BABAM2: variants seen among roughly 807,000 people sequenced by gnomAD.
The protein encoded by BABAM2 is BRISC and BRCA1 A complex member 2.
Under a neutral mutation model 54.7 loss-of-function variants are expected in BABAM2, and 31 were observed. That is an observed-to-expected ratio of 0.57 (90% confidence interval 0.43 to 0.77). The LOEUF (loss-of-function observed/expected upper bound fraction) is 0.77, where lower values mean the gene tolerates loss of function less well. Among genes scored for constraint, BABAM2 ranks in the 30% least tolerant of loss-of-function variants. The probability of loss-of-function intolerance (pLI) is 0.00; values close to 1 mark genes in which losing one functional copy is unlikely to be tolerated. For synonymous variants in BABAM2, 167 were observed against 162.9 expected (o/e 1.03, Z -0.19); for missense variants, 364 against 455.8 (o/e 0.80, Z 1.83).
intron 4 of BABAM2, among the ~76,000 whole-genome samples, chr2:28,008,652 A>G (rs1174210960): frequency 6.6e-6 from 1 of 152,190 alleles, no homozygotes; most frequent in Non-Finnish European, 1.5e-5. Context: ...TTTAAAAATT[A>G]AACACAAATA....
chr2:28,197,982 C>T (rs778670208), intron 7 of BABAM2, among the ~76,000 whole-genome samples: 9 of 152,076 alleles, frequency 5.9e-5, no homozygotes, highest in South Asian at 4.1e-4. Context: ...TTGTCCAAGG[C>T]GGGAACCCCG....
At chr2:28,001,526 TG>T (rs894159451) in intron 4 of BABAM2, among the ~76,000 whole-genome samples, 2 of 152,176 alleles carry the variant, frequency 1.3e-5, no homozygotes, top group African/African-American at 4.8e-5. Flanking sequence ...GATGGAACTG[TG>T]ATACAAGGTA....
chr2:28,335,110 T>C (rs1406164825), intron 11 of BABAM2, among the ~76,000 whole-genome samples: 2 of 151,058 alleles, frequency 1.3e-5, no homozygotes, highest in African/African-American at 4.9e-5. Context: ...AGTACCTAAA[T>C]ATTGTACCTG....
chr2:28,243,722 AAATT>A (rs1434122600), intron 9 of BABAM2, among the ~76,000 whole-genome samples: 1 of 152,142 alleles, frequency 6.6e-6, no homozygotes, highest in African/African-American at 2.4e-5. Flanking sequence ...AAAAATAAAT[AAATT>A]CATAGAAATA....
chr2:27,925,273 C>T (rs1012616137), intron 2 of BABAM2, among the ~76,000 whole-genome samples: 1 of 152,126 alleles, frequency 6.6e-6, no homozygotes, highest in African/African-American at 2.4e-5. Flanking sequence ...ATTAGCCTGA[C>T]TGTTTCCATA....
intron 11 of BABAM2, among the ~76,000 whole-genome samples, chr2:28,300,121 T>C (rs1687992349): frequency 6.6e-6 from 1 of 151,902 alleles, no homozygotes; most frequent in Non-Finnish European, 1.5e-5. Context: ...GTATTTTGAG[T>C]AGAGATGGGG....
upstream of BABAM2, chr2:27,890,589 T>A: frequency 2.0e-6 from 1 of 488,658 alleles, no homozygotes; most frequent in South Asian, 2.7e-5. The surrounding 1 kb of genome is among the most constrained non-coding windows in gnomAD (Gnocchi z 4.8). Flanking sequence ...GCGCTCCTCG[T>A]CACTCACGGG....
chr2:27,967,586 G>T (rs992322386), intron 3 of BABAM2, among the ~76,000 whole-genome samples: 1 of 152,228 alleles, frequency 6.6e-6, no homozygotes, highest in African/African-American at 2.4e-5. Flanking sequence ...AAATGTGGAA[G>T]TGACTTTGGA....
intron 11 of BABAM2, chr2:28,310,178 A>G: frequency 6.2e-7 from 1 of 1,605,858 alleles, no homozygotes; most frequent in Non-Finnish European, 8.5e-7. Flanking sequence ...GTTATTTATT[A>G]GAACCTGACA....
chr2:28,313,027 G>A (rs1293449192), intron 11 of BABAM2, among the ~76,000 whole-genome samples: 3 of 152,132 alleles, frequency 2.0e-5, no homozygotes, highest in African/African-American at 7.2e-5. Flanking sequence ...GCTCACAGGA[G>A]CAGCACAGAA....
intron 7 of BABAM2, among the ~76,000 whole-genome samples, chr2:28,202,614 A>C (rs6720083): frequency 0.4 from 60,685 of 152,012 alleles, 13,962 homozygotes; most frequent in East Asian, 0.99. Context: ...TGCGATGGGA[A>C]CATTTTAGTT....
intron 2 of BABAM2, among the ~76,000 whole-genome samples, chr2:27,900,411 T>C (rs2148275142): frequency 6.6e-6 from 1 of 152,194 alleles, no homozygotes; most frequent in African/African-American, 2.4e-5. Context: ...ATTTCTCTTA[T>C]GTTATCTAGA....
chr2:27,993,186 T>G (rs926959127), intron 4 of BABAM2, among the ~76,000 whole-genome samples: 3 of 152,182 alleles, frequency 2.0e-5, no homozygotes, highest in Non-Finnish European at 4.4e-5. Flanking sequence ...ACTGGGATAA[T>G]GAGTCATCCT....
At chr2:28,295,787 G>A (rs1291291597) in intron 10 of BABAM2, among the ~76,000 whole-genome samples, 2 of 151,142 alleles carry the variant, frequency 1.3e-5, no homozygotes, top group African/African-American at 2.4e-5. Flanking sequence ...GTGAGCCACC[G>A]CGCCCAGCCA....
intron 6 of BABAM2, among the ~76,000 whole-genome samples, chr2:28,050,513 G>A (rs893617463): frequency 6.6e-6 from 1 of 152,200 alleles, no homozygotes; most frequent in African/African-American, 2.4e-5. Flanking sequence ...GCCAGAATGA[G>A]TTTGGCTTGG....
intron 7 of BABAM2, among the ~76,000 whole-genome samples, chr2:28,220,313 C>G (rs939322432): frequency 6.6e-6 from 1 of 152,168 alleles, no homozygotes; most frequent in Non-Finnish European, 1.5e-5. Context: ...ATCAACCTTA[C>G]AGGGCTTTTG....
intron 7 of BABAM2, among the ~76,000 whole-genome samples, chr2:28,226,311 A>G (rs1316318271): frequency 6.6e-6 from 1 of 152,222 alleles, no homozygotes; most frequent in Non-Finnish European, 1.5e-5. Flanking sequence ...CTTCTTTTCC[A>G]TAATGACTAT....
chr2:27,927,849 T>G (rs2148346332), intron 2 of BABAM2, among the ~76,000 whole-genome samples: 1 of 150,568 alleles, frequency 6.6e-6, no homozygotes, highest in African/African-American at 2.4e-5. Flanking sequence ...TTTTTTTTTT[T>G]TTTTTCTTTT....
At chr2:28,055,040 G>GA (rs900299037) in intron 6 of BABAM2, among the ~76,000 whole-genome samples, 1 of 152,086 alleles carries the variant, frequency 6.6e-6, no homozygotes, top group African/African-American at 2.4e-5. Context: ...TAGACTGGAT[G>GA]AAAAAAATGT....
Sources: gnomAD v4.1 joint callset for allele counts (sites outside exome capture counted in the v4.1 genomes callset) on GRCh38, gnomAD v4.1.1 for gene constraint, Gnocchi (gnomAD v3.1) non-coding constraint, MANE v1.5 for transcripts, NCBI Gene and HGNC (gene_info 2026-07-23, HGNC 2026-07-21) for gene names.